Variants in CACNA1S observed in about 807,000 individuals in gnomAD.
CACNA1S encodes the protein calcium voltage-gated channel subunit alpha1 S, also known as voltage-dependent L-type calcium channel subunit alpha-1S.
Under a neutral mutation model 207.4 loss-of-function variants are expected in CACNA1S, and 126 were observed. The ratio of observed to expected loss-of-function variants is 0.61; its 90% CI spans 0.53 to 0.70. CACNA1S has a LOEUF of 0.70. Ranked by LOEUF, CACNA1S falls within the 30% of genes least tolerant of loss-of-function variation. CACNA1S has a pLI of 0.00. For missense variants in CACNA1S, 2,349 were observed against 2,422.8 expected (o/e 0.97, Z 0.64); for synonymous variants, 960 against 932.7 (o/e 1.03, Z -0.53).
At position 201,069,567 on chromosome 1, in the gene CACNA1S, T is replaced by A. The variant is rs1572042622; in HGVS notation, c.2395A>T (p.Thr799Ser). Residue 799 changes from threonine to serine, a missense_variant, in exon 18 of 44, where the codon ACC (threonine) becomes TCC (serine). Thr to Ser is a moderately conservative substitution (Grantham distance 58). Transcript: ENST00000362061. ...AGCAGGATGAAGTTGGTAAACCAGGTGGCATTGACGATGCGGTGACACAGG... is the reference window on the plus strand; with the variant it reads ...AGCAGGATGAAGTTGGTAAACCAGGAGGCATTGACGATGCGGTGACACAGG... ...RVLCHRIVNA[T>S]WFTNFILLFI... The A allele has an allele frequency of 6.4e-7, 1 of 1,566,610 alleles. No homozygotes were observed. Among genetic ancestry groups the A allele is most frequent in the Non-Finnish European group, 8.7e-7 (1 of 1,155,028 alleles).
At chr1:201,105,430 A>T (rs148719951) in intron 2 of CACNA1S, among the ~76,000 whole-genome samples, 1 of 152,342 alleles carries the variant, frequency 6.6e-6, no homozygotes, top group East Asian at 1.9e-4. Flanking sequence ...AAACTGAGGG[A>T]ACAGAAAGGT....
At chr1:201,094,872 C>T (rs578210892) in intron 2 of CACNA1S, among the ~76,000 whole-genome samples, 1 of 152,202 alleles carries the variant, frequency 6.6e-6, no homozygotes, top group Non-Finnish European at 1.5e-5. Context: ...CTCTGGGTTA[C>T]CCTATCCTTG....
chr1:201,107,213 A>T (rs1662926129), intron 2 of CACNA1S, among the ~76,000 whole-genome samples: 1 of 152,198 alleles, frequency 6.6e-6, no homozygotes, highest in African/African-American at 2.4e-5. Flanking sequence ...AGAGCATTCA[A>T]CCCCAAATGT....
Position 201,051,066 on chromosome 1 carries a change from T to TA in CACNA1S, c.4030dup (p.Tyr1344LeufsTer42). 1 of 1,614,202 alleles carries TA rather than the reference T, an allele frequency of 6.2e-7. No individual in the cohort carries two copies. Among genetic ancestry groups the TA allele is most frequent in the Non-Finnish European group, 8.5e-7 (1 of 1,180,010 alleles). ...ACATGTGTACTCCTCCCCTGGGGCA[T>TA]AGTCCGACTCTGGGTCACACAGCTT... is the stretch of plus-strand genomic sequence containing the variant. On this transcript the variant is annotated frameshift_variant, in exon 33 of 44. Transcript: ENST00000362061. LOFTEE classifies it high-confidence loss of function.
chr1:201,099,099 G>T (rs1662545416), intron 2 of CACNA1S, among the ~76,000 whole-genome samples: 1 of 152,232 alleles, frequency 6.6e-6, no homozygotes, highest in Non-Finnish European at 1.5e-5. Flanking sequence ...CCAAGGGTCA[G>T]CCAGTCCTGA....
At chr1:201,055,924 T>G (rs1660823479) in intron 28 of CACNA1S, among the ~76,000 whole-genome samples, 1 of 152,190 alleles carries the variant, frequency 6.6e-6, no homozygotes, top group Admixed American at 6.5e-5. Context: ...GGCTGTTTAT[T>G]TTGGCTGTTT....
Position 201,112,252 on chromosome 1 carries a change from C to T in CACNA1S, c.88G>A (p.Ala30Thr). 1 of 1,614,008 alleles carries T rather than the reference C, an allele frequency of 6.2e-7. No individual in the cohort carries two copies. The highest frequency in any genetic ancestry group is 8.5e-7 in the Non-Finnish European group (1 of 1,179,992). Reference sequence around the variant, plus strand: ...TTCTCCAGGGTCAGGCAGAACAAGGCCCGGGGTGGCCTTGGCAGAATCTCA... The same window carrying T: ...TTCTCCAGGGTCAGGCAGAACAAGGTCCGGGGTGGCCTTGGCAGAATCTCA... ...VPEILPRPPR[A>T]LFCLTLENPL... Residue 30 changes from alanine to threonine, a missense_variant, in exon 1 of 44, where the codon GCC (alanine) becomes ACC (threonine). By Grantham distance (58) the Ala-to-Thr change is moderately conservative (BLOSUM62 0). Coordinates refer to ENST00000362061, the MANE Select transcript of CACNA1S (RefSeq NM_000069.3).
At chr1:201,052,509 G>C (rs765224353) in intron 32 of CACNA1S, 48 bp downstream of exon 32, 4 of 1,444,498 alleles carry the variant, frequency 2.8e-6, no homozygotes, top group Admixed American at 3.3e-5. Flanking sequence ...CAGAGCAAAG[G>C]CTGGACTGGT....
intron 17 of CACNA1S, 37 bp downstream of exon 17, chr1:201,070,235 G>A (rs138504004): frequency 7.9e-5 from 128 of 1,611,746 alleles, no homozygotes; most frequent in Middle Eastern, 1.6e-4. Flanking sequence ...GATGAGAGCC[G>A]CATCAATCAC....
Position 201,110,173 on chromosome 1 carries a change from G to A in CACNA1S, c.249C>T (p.Asn83=). 1.2e-6 allele frequency: 2 copies of A among 1,614,088 alleles called. No individual in the cohort carries two copies. Among genetic ancestry groups the A allele is most frequent in the Non-Finnish European group, 1.7e-6 (2 of 1,179,904 alleles). The change falls in exon 2 of 44, where the codon AAC becomes AAT. Residue 83 remains asparagine (N), a synonymous_variant. Coordinates refer to ENST00000362061, the MANE Select transcript of CACNA1S (RefSeq NM_000069.3). ...PMPEDDNNSL[N]LGLEKLEYFF... ...GAAGGGCCAATCTTACCAGGCCGAG[G>A]TTCAGAGAGTTGTTGTCATCTTCCG...
At chr1:201,110,468 C>T (rs1379961977) in intron 1 of CACNA1S, among the ~76,000 whole-genome samples, 199 bp from the exon 2 acceptor site, 1 of 152,172 alleles carries the variant, frequency 6.6e-6, no homozygotes, top group Non-Finnish European at 1.5e-5. Context: ...TGACCTCTGG[C>T]TCCCTCTCCT....
At chr1:201,062,619 G>C (rs1185693119) in intron 22 of CACNA1S, 105 bp from the exon 23 acceptor site, 4 of 1,021,046 alleles carry the variant, frequency 3.9e-6, no homozygotes, top group Non-Finnish European at 4.5e-6. Context: ...GGGAAGGCAG[G>C]CATCTGAAAA....
intron 22 of CACNA1S, 35 bp downstream of exon 22, chr1:201,065,803 G>C (rs777770681): frequency 3.4e-6 from 5 of 1,463,426 alleles, no homozygotes; most frequent in African/African-American, 1.4e-5. Flanking sequence ...GGCTGGGAGC[G>C]GGAGGGGGAG....
At position 201,091,702 on chromosome 1, in the gene CACNA1S, G is replaced by A. The variant is rs763260505; in HGVS notation, c.632C>T (p.Ala211Val). The A allele has an allele frequency of 6.2e-7, 1 of 1,614,118 alleles. No individual in the cohort carries two copies. The highest frequency in any genetic ancestry group is 8.5e-7 in the Non-Finnish European group (1 of 1,179,956). Residue 211 changes from alanine (A) to valine (V), a missense_variant, in exon 5 of 44, where the codon GCC becomes GTC. Ala to Val is a moderately conservative substitution (Grantham distance 64, BLOSUM62 0). Coordinates refer to ENST00000362061, the MANE Select transcript of CACNA1S (RefSeq NM_000069.3). ...CTTGAAGAGCTCCAGCCCGATGATG[G>A]CATAGATGATGACCATAAAGAGGAC... is the stretch of plus-strand genomic sequence containing the variant. ...LLVLFMVIIY[A>V]IIGLELFKGK...
intron 22 of CACNA1S, among the ~76,000 whole-genome samples, chr1:201,064,054 T>G (rs1031834883): frequency 1.3e-5 from 2 of 150,368 alleles, no homozygotes; most frequent in Admixed American, 6.6e-5. Flanking sequence ...ATGGCGAGAG[T>G]TGGGTGTTGA....
chr1:201,058,487 T>G lies in CACNA1S; in HGVS notation c.3530A>C (p.Tyr1177Ser). ...AAACACATTCCAGGGGTCTCCAAAGTAGCCCTGGGAAGGAAAAGGATGGGA... is the reference window on the plus strand; with the variant it reads ...AAACACATTCCAGGGGTCTCCAAAGGAGCCCTGGGAAGGAAAAGGATGGGA... The part of the protein sequence containing the change: ...LKLMAFKARG[Y>S]FGDPWNVFDF... The change falls in exon 28 of 44, where the codon TAC becomes TCC. Residue 1177 changes from tyrosine to serine, a missense_variant. Physicochemically the swap from Tyr to Ser is moderately radical, Grantham distance 144. Transcript: ENST00000362061. 1 of 1,613,200 alleles carries G rather than the reference T, an allele frequency of 6.2e-7. No homozygotes were observed. Among genetic ancestry groups the G allele is most frequent in the Non-Finnish European group, 8.5e-7 (1 of 1,179,178 alleles).
chr1:201,095,924 G>C (rs1388644077), intron 2 of CACNA1S, among the ~76,000 whole-genome samples: 5 of 152,218 alleles, frequency 3.3e-5, no homozygotes, highest in Non-Finnish European at 7.3e-5. Context: ...TTTCCTGGGA[G>C]TCAGGCACAC....
chr1:201,110,644 G>A (rs1457183602), intron 1 of CACNA1S, among the ~76,000 whole-genome samples: 1 of 152,214 alleles, frequency 6.6e-6, no homozygotes, highest in Non-Finnish European at 1.5e-5. Flanking sequence ...GCAGATTCTG[G>A]CCAATCCACA....
At chr1:201,072,928 T>C (rs529864767) in intron 15 of CACNA1S, 104 bp from the exon 16 acceptor site, 217 of 859,904 alleles carry the variant, frequency 2.5e-4, no homozygotes, top group African/African-American at 4.5e-4. Flanking sequence ...CACTTAATCA[T>C]CCCTACAGCC....
Sources: allele counts gnomAD v4.1 joint callset (sites outside exome capture counted in the v4.1 genomes callset), GRCh38; gene constraint gnomAD v4.1.1; transcripts MANE v1.5; gene names NCBI Gene and HGNC (gene_info 2026-07-23, HGNC 2026-07-21).